Variants in C2orf74 observed in about 807,000 individuals in gnomAD.
C2orf74 encodes DPM1 ER membrane anchor 1.
Under a neutral mutation model 17.9 loss-of-function variants are expected in C2orf74, and 14 were observed. The observed-to-expected ratio is 0.78, with a 90% CI of 0.52 to 1.22. The LOEUF is 1.22. Ranked by LOEUF, C2orf74 falls within the 50% of genes most tolerant of loss-of-function variation. The probability of loss-of-function intolerance (pLI) is 0.00; values close to 1 mark genes in which losing one functional copy is unlikely to be tolerated. For missense variants in C2orf74, 217 were observed against 218.4 expected (o/e 0.99, Z 0.04); for synonymous variants, 79 against 72.6 (o/e 1.09, Z -0.44).
chr2:61,152,108 CA>C (rs1685244810), intron 1 of C2orf74: 1 of 152,368 alleles, frequency 6.6e-6, no homozygotes, highest in Non-Finnish European at 1.5e-5. Context: ...GTCAGGTTTT[CA>C]GAAGGCCATA....
intron 1 of C2orf74, among the ~76,000 whole-genome samples, chr2:61,151,119 C>T (rs1685214752): frequency 6.6e-6 from 1 of 151,772 alleles, no homozygotes; most frequent in South Asian, 2.1e-4. Flanking sequence ...AGTTCAAGAC[C>T]AGCCTGGCCA....
intron 1 of C2orf74, chr2:61,151,966 G>A (rs897698184): frequency 6.6e-6 from 1 of 152,376 alleles, no homozygotes; most frequent in Non-Finnish European, 1.5e-5. Context: ...AGTGATTTCA[G>A]TCTCTTAGAG....
intron 1 of C2orf74, among the ~76,000 whole-genome samples, chr2:61,149,796 C>A (rs1479636241): frequency 6.6e-6 from 1 of 151,958 alleles, no homozygotes; most frequent in African/African-American, 2.4e-5. Context: ...TCAGGCTGGT[C>A]TCGAACTCCT....
upstream of C2orf74, among the ~76,000 whole-genome samples, chr2:61,158,595 T>G (rs991338998): frequency 5.3e-5 from 8 of 152,192 alleles, no homozygotes; most frequent in African/African-American, 1.9e-4. Flanking sequence ...GGCTTTAATC[T>G]GGTGGTGCAG....
chr2:61,148,835 G>C (rs951114635), intron 1 of C2orf74, among the ~76,000 whole-genome samples: 1 of 152,158 alleles, frequency 6.6e-6, no homozygotes, highest in Non-Finnish European at 1.5e-5. Flanking sequence ...TCCTGCCTCA[G>C]CCTCCTGAGT....
At chr2:61,163,287 AAGGTACATTCCTC>A in intron 4 of C2orf74, 55 bp downstream of exon 4, 1 of 1,509,176 alleles carries the variant, frequency 6.6e-7, no homozygotes, top group Non-Finnish European at 8.9e-7. Flanking sequence ...GATTGAAAAT[AAGGTACATTCCTC>A]AGCTAGGTAT....
At chr2:61,163,409 G>T (rs147743581) in intron 4 of C2orf74, among the ~76,000 whole-genome samples, 177 bp downstream of exon 4, 1,771 of 152,156 alleles carry the variant, frequency 0.012, 22 homozygotes, top group Middle Eastern at 0.017. Flanking sequence ...ATCGAGACCA[G>T]CCTGGCCAAC....
At chr2:61,148,226 GC>G (rs1252163345) in intron 1 of C2orf74, among the ~76,000 whole-genome samples, 3 of 150,388 alleles carry the variant, frequency 2.0e-5, no homozygotes, top group South Asian at 4.2e-4. Context: ...CGCTCTTGTT[GC>G]CCAAGCTGGA....
chr2:61,164,026 C>T (rs1337612635), intron 4 of C2orf74, among the ~76,000 whole-genome samples: 2 of 152,042 alleles, frequency 1.3e-5, no homozygotes, highest in African/African-American at 4.8e-5. Flanking sequence ...TCTGTGTCTG[C>T]GATTCCCTGA....
chr2:61,152,004 T>G (rs1232257594), intron 1 of C2orf74: 5 of 152,348 alleles, frequency 3.3e-5, no homozygotes, highest in Non-Finnish European at 7.3e-5. Flanking sequence ...ATGAAGCTTC[T>G]CCCTTTTGTG....
intron 1 of C2orf74, among the ~76,000 whole-genome samples, chr2:61,147,213 C>T (rs1343285002): frequency 2.1e-5 from 1 of 46,532 alleles, no homozygotes; most frequent in Non-Finnish European, 4.8e-5. Context: ...GAGATTTTTC[C>T]TTTCCTTTCC....
chr2:61,150,639 T>A (rs1685198030), intron 1 of C2orf74, among the ~76,000 whole-genome samples: 2 of 152,076 alleles, frequency 1.3e-5, no homozygotes. Context: ...AAGCTGACTG[T>A]CCTCACAGGC....
At chr2:61,159,905 T>TCAC (rs1685511068), upstream of C2orf74, among the ~76,000 whole-genome samples, 1 of 152,218 alleles carries the variant, frequency 6.6e-6, no homozygotes, top group Admixed American at 6.5e-5. Flanking sequence ...TGTGCTACCA[T>TCAC]CACCACTGTC....
chr2:61,158,283 T>C (rs1206831027), upstream of C2orf74, among the ~76,000 whole-genome samples: 1 of 152,070 alleles, frequency 6.6e-6, no homozygotes, highest in East Asian at 1.9e-4. Flanking sequence ...GGAATAAAAA[T>C]CAGTGTAGTG....
intron 1 of C2orf74, among the ~76,000 whole-genome samples, chr2:61,156,733 A>G (rs955973923): frequency 6.6e-6 from 1 of 151,970 alleles, no homozygotes; most frequent in Non-Finnish European, 1.5e-5. Context: ...AAAAATACAA[A>G]AAGTTAGTGG....
chr2:61,145,488 A>T (rs573912370), intron 1 of C2orf74, among the ~76,000 whole-genome samples: 1 of 152,126 alleles, frequency 6.6e-6, no homozygotes, highest in African/African-American at 2.4e-5. Context: ...CAGTAATGCA[A>T]TCTCGGCTCA....
chr2:61,158,125 G>C, upstream of C2orf74: 2 of 401,084 alleles, frequency 5.0e-6, no homozygotes, highest in South Asian at 1.8e-5. Flanking sequence ...GAGAACCCCT[G>C]CTCCCCCATC....
chr2:61,163,291 T>C lies in C2orf74; in HGVS notation c.390+59T>C, dbSNP rs559258514. ...AGAATTTGTTTGATTGAAAATAAGG[T>C]ACATTCCTCAGCTAGGTATAATAAT... On this transcript the variant is annotated intron_variant, in intron 4 of 4. Coordinates refer to ENST00000432605, the MANE Select transcript of C2orf74 (RefSeq NM_001143959.4). The C allele has an allele frequency of 9.4e-6, 14 of 1,496,378 alleles. No homozygotes were observed. In the African/African-American group the frequency reaches 1.8e-4, roughly 19 times the overall value. 92.7% of individuals were successfully genotyped at this position (1,496,378 alleles called of 1,614,324 possible). A position where few individuals can be genotyped will look rare whatever the true frequency, so the allele number is the denominator to read the frequency against.
intron 1 of C2orf74, among the ~76,000 whole-genome samples, chr2:61,154,645 T>C (rs1235845591): frequency 1.3e-5 from 2 of 152,170 alleles, no homozygotes; most frequent in African/African-American, 4.8e-5. Flanking sequence ...CCTAAAAAAT[T>C]GTTTTAAGTC....
Sources: gnomAD v4.1 joint callset for allele counts (sites outside exome capture counted in the v4.1 genomes callset) on GRCh38, gnomAD v4.1.1 for gene constraint, MANE v1.5 for transcripts, NCBI Gene and HGNC (gene_info 2026-07-23, HGNC 2026-07-21) for gene names.